Variants in DESI2 observed in about 807,000 individuals in gnomAD.
DESI2 encodes desumoylating isopeptidase 2, also known as deubiquitinase DESI2.
Under a neutral mutation model 24.1 loss-of-function variants are expected in DESI2, and 10 were observed. That is an observed-to-expected ratio of 0.41 (90% CI 0.26 to 0.70). The LOEUF is 0.70. DESI2 is among the 30% of genes least tolerant of loss of function. DESI2 has a pLI of 0.29. For synonymous variants in DESI2, 71 were observed against 87.7 expected, an observed-to-expected ratio of 0.81 and a Z score of 1.06; for missense variants, 122 against 234.9, an observed-to-expected ratio of 0.52 and a Z score of 3.14.
At chr1:244,676,897 T>G (rs1002416446) in intron 1 of DESI2, among the ~76,000 whole-genome samples, 31 of 143,866 alleles carry the variant, frequency 2.2e-4, no homozygotes, top group Non-Finnish European at 4.2e-4. Context: ...GATTTTGTCC[T>G]TTATATGGTA....
At chr1:244,654,933 C>T (rs1430785435) in intron 1 of DESI2, among the ~76,000 whole-genome samples, 1 of 152,160 alleles carries the variant, frequency 6.6e-6, no homozygotes, top group Non-Finnish European at 1.5e-5. Context: ...TAGGAGTATA[C>T]AGTGGCCAGA....
intron 1 of DESI2, among the ~76,000 whole-genome samples, chr1:244,679,198 A>G (rs947313261): frequency 2.0e-5 from 3 of 151,992 alleles, no homozygotes; most frequent in Non-Finnish European, 4.4e-5. Context: ...ACGCACCACC[A>G]CTTCCAGCTA....
At chr1:244,670,838 G>A (rs1465228640) in intron 1 of DESI2, among the ~76,000 whole-genome samples, 2 of 152,156 alleles carry the variant, frequency 1.3e-5, no homozygotes, top group Admixed American at 6.5e-5. Context: ...TCTAATTGCC[G>A]CCTTCACTAC....
chr1:244,674,309 A>G (rs962502259), intron 1 of DESI2, among the ~76,000 whole-genome samples: 9 of 121,496 alleles, frequency 7.4e-5, no homozygotes, highest in Admixed American at 1.0e-4. Context: ...CTTTACTTCT[A>G]TTCATAACGG....
intron 1 of DESI2, among the ~76,000 whole-genome samples, chr1:244,678,346 C>T (rs910016211): frequency 1.7e-4 from 26 of 152,228 alleles, no homozygotes; most frequent in South Asian, 1.4e-3. Flanking sequence ...AATTTTCAGA[C>T]TGAAGAAGTA....
intron 1 of DESI2, among the ~76,000 whole-genome samples, chr1:244,668,643 A>G (rs1025727557): frequency 2.0e-5 from 3 of 152,182 alleles, no homozygotes; most frequent in Non-Finnish European, 2.9e-5. Context: ...GTTTTAAGTT[A>G]CAGAAAAAAG....
chr1:244,656,479 T>A (rs1675649962), intron 1 of DESI2: 3 of 152,220 alleles, frequency 2.0e-5, no homozygotes, highest in Non-Finnish European at 4.4e-5. Context: ...TGTTCCTCTG[T>A]GTACTTTGGA....
At chr1:244,656,936 G>A (rs546238577) in intron 1 of DESI2, among the ~76,000 whole-genome samples, 4 of 152,004 alleles carry the variant, frequency 2.6e-5, no homozygotes, top group South Asian at 2.1e-4. Context: ...CATCATGCCC[G>A]GCTAATTTTT....
intron 1 of DESI2, among the ~76,000 whole-genome samples, chr1:244,685,638 A>C (rs537000641): frequency 1.3e-5 from 2 of 152,302 alleles, no homozygotes; most frequent in Non-Finnish European, 2.9e-5. Flanking sequence ...GCAATGCGTG[A>C]GAATGTGTGT....
Position 244,705,841 on chromosome 1 carries a change from A to G in DESI2, c.*52A>G. On this transcript the variant is annotated 3_prime_UTR_variant, in exon 5 of 5. Transcript: ENST00000302550. ...CTGTCTCTGGCAGTCGAATATCACT[A>G]GAGAAAAGTAAACAGAGAAGCATCC... The G allele has an allele frequency of 7.6e-7, 1 of 1,309,712 alleles. No individual in the cohort carries two copies. The allele number at this position is 1,309,712 out of a possible 1,614,324, so 81.1% of individuals were successfully genotyped here. A position where few individuals can be genotyped will look rare whatever the true frequency, so the allele number is the denominator to read the frequency against.
chr1:244,670,812 A>G (rs1389397076), intron 1 of DESI2, among the ~76,000 whole-genome samples: 2 of 152,250 alleles, frequency 1.3e-5, no homozygotes, highest in African/African-American at 4.8e-5. Flanking sequence ...CAAAGCACAT[A>G]GGTCTCCCAA....
At chr1:244,678,201 G>T (rs1676481108) in intron 1 of DESI2, among the ~76,000 whole-genome samples, 1 of 152,158 alleles carries the variant, frequency 6.6e-6, no homozygotes, top group Non-Finnish European at 1.5e-5. Flanking sequence ...TCATTATAGT[G>T]AATTCCAAAC....
At chr1:244,703,146 T>A (rs1677542376) in intron 4 of DESI2, among the ~76,000 whole-genome samples, 1 of 151,288 alleles carries the variant, frequency 6.6e-6, no homozygotes, top group Non-Finnish European at 1.5e-5. Context: ...TGATTACAGG[T>A]GTGTGCCACC....
chr1:244,674,075 A>G (rs367739810), intron 1 of DESI2, among the ~76,000 whole-genome samples: 89 of 140,092 alleles, frequency 6.4e-4, no homozygotes, highest in African/African-American at 2.4e-3. Flanking sequence ...GCTCATTACA[A>G]CCTCCGCCTC....
intron 1 of DESI2, chr1:244,654,139 C>T: frequency 2.5e-6 from 1 of 403,700 alleles, no homozygotes; most frequent in East Asian, 7.3e-5. Context: ...ACTGGTTTGC[C>T]TGATTTTTGC....
intron 1 of DESI2, among the ~76,000 whole-genome samples, chr1:244,659,336 G>A (rs1438042597): frequency 6.6e-6 from 1 of 152,158 alleles, no homozygotes; most frequent in Non-Finnish European, 1.5e-5. Flanking sequence ...TCACACTTAT[G>A]TAAATCAGAA....
chr1:244,660,834 T>C (rs780986399), intron 1 of DESI2, among the ~76,000 whole-genome samples: 2 of 152,322 alleles, frequency 1.3e-5, no homozygotes, highest in Non-Finnish European at 2.9e-5. Context: ...TTCTTACCCA[T>C]ACGGAATTGT....
intron 4 of DESI2, among the ~76,000 whole-genome samples, chr1:244,703,784 G>C (rs1303783486): frequency 6.6e-6 from 1 of 151,480 alleles, no homozygotes; most frequent in Non-Finnish European, 1.5e-5. Flanking sequence ...TCAGCCTCCC[G>C]AGTAGCTGGG....
chr1:244,695,868 G>A (rs943828675), intron 4 of DESI2, among the ~76,000 whole-genome samples: 6 of 152,154 alleles, frequency 3.9e-5, no homozygotes, highest in Non-Finnish European at 5.9e-5. Flanking sequence ...TGGGAACTCA[G>A]GCTCAAGTGA....
Sources: allele counts gnomAD v4.1 joint callset (sites outside exome capture counted in the v4.1 genomes callset), GRCh38; gene constraint gnomAD v4.1.1; transcripts MANE v1.5; gene names NCBI Gene and HGNC (gene_info 2026-07-23, HGNC 2026-07-21).